The following MECOM variants were observed in gnomAD, a reference collection of about 807,000 sequenced individuals.
The protein encoded by MECOM is histone-lysine N-methyltransferase MECOM.
In MECOM, 13 loss-of-function variants were observed where a neutral mutation model predicts 116.3. The ratio of observed to expected loss-of-function variants is 0.11; its 90% CI spans 0.07 to 0.18. The LOEUF is 0.18. MECOM is among the 10% of genes least tolerant of loss of function. The pLI, the probability that MECOM is intolerant of heterozygous loss-of-function variation, is 1.00. For missense variants in MECOM, 1,299 were observed against 1,509.0 expected, an observed-to-expected ratio of 0.86 and a Z score of 2.31; for synonymous variants, 528 against 535.2, an observed-to-expected ratio of 0.99 and a Z score of 0.19.
intron 1 of MECOM, among the ~76,000 whole-genome samples, chr3:169,551,065 C>T (rs982226786): frequency 1.1e-5 from 1 of 94,840 alleles, no homozygotes; most frequent in Non-Finnish European, 2.3e-5. Flanking sequence ...CCTCGTGATC[C>T]GCCCGCCTCG....
chr3:169,461,969 A>G (rs1747525987), intron 1 of MECOM, among the ~76,000 whole-genome samples: 1 of 152,174 alleles, frequency 6.6e-6, no homozygotes, highest in Admixed American at 6.6e-5. Context: ...TTCTTTCTTC[A>G]TCTTTGTTAT....
chr3:169,351,349 T>C (rs1726292202), intron 2 of MECOM, among the ~76,000 whole-genome samples: 1 of 151,820 alleles, frequency 6.6e-6, no homozygotes, highest in Admixed American at 6.6e-5. Flanking sequence ...CATATCTATA[T>C]GATAGATATT....
chr3:169,115,459 C>A lies in MECOM; in HGVS notation c.2413G>T (p.Val805Phe). 6.2e-7 allele frequency: 1 copy of A among 1,614,110 alleles called. No homozygotes were observed. Among genetic ancestry groups the A allele is most frequent in the East Asian group, 2.2e-5 (1 of 44,888 alleles). ...CCATCTGAAGCAGGTCTTGATTCGACGTTGCTTCCTTTTTTTCCCCCAAAC... is the reference window on the plus strand; with the variant it reads ...CCATCTGAAGCAGGTCTTGATTCGAAGTTGCTTCCTTTTTTTCCCCCAAAC... ...HVFGGKKGSN[V>F]ESRPASDGSL... The change falls in exon 8 of 17, where the codon GTC becomes TTC. Residue 805 changes from valine (V) to phenylalanine (F), a missense_variant. By Grantham distance (50) the Val-to-Phe change is conservative. Coordinates refer to ENST00000651503, the MANE Select transcript of MECOM (RefSeq NM_004991.4).
chr3:169,157,237 C>T (rs1742133633), intron 2 of MECOM, among the ~76,000 whole-genome samples: 1 of 151,826 alleles, frequency 6.6e-6, no homozygotes, highest in South Asian at 2.1e-4. Flanking sequence ...AGAATAATTG[C>T]CCCACCCCAA....
intron 2 of MECOM, among the ~76,000 whole-genome samples, chr3:169,258,008 G>A (rs1470138567): frequency 1.3e-5 from 2 of 152,126 alleles, no homozygotes; most frequent in Admixed American, 6.6e-5. Flanking sequence ...ATAACTTTAG[G>A]TCAAGGGTTT....
chr3:169,600,659 T>C (rs142323325), intron 1 of MECOM, among the ~76,000 whole-genome samples: 2 of 152,120 alleles, frequency 1.3e-5, no homozygotes, highest in East Asian at 3.9e-4. Flanking sequence ...ATTTCAGGAG[T>C]TTACAAGTTG....
At chr3:169,482,805 A>T (rs1183225972) in intron 1 of MECOM, among the ~76,000 whole-genome samples, 1 of 152,206 alleles carries the variant, frequency 6.6e-6, no homozygotes, top group Non-Finnish European at 1.5e-5. Flanking sequence ...GTGATATGTT[A>T]CATGTTTTAG....
intron 2 of MECOM, among the ~76,000 whole-genome samples, chr3:169,314,065 T>G (rs1719290539): frequency 6.6e-6 from 1 of 152,222 alleles, no homozygotes; most frequent in Non-Finnish European, 1.5e-5. Context: ...TTCTGACTTC[T>G]CATACTGTAT....
At chr3:169,104,202 A>G (rs1371063564) in intron 10 of MECOM, among the ~76,000 whole-genome samples, 1 of 152,222 alleles carries the variant, frequency 6.6e-6, no homozygotes, top group Non-Finnish European at 1.5e-5. Context: ...GGGCAGAGAT[A>G]TGGAATGATG....
In MECOM at chr3:169,663,474, G is replaced by GTC. The variant is rs71166260; in HGVS notation, c.-104_-103dup. Reference sequence around the variant, plus strand: ...CTCTCGCTCCCTCCCTCTCTCTCCTGTCTCTCTCTCTCTCTCTCTCTCTCT... The same window carrying GTC: ...CTCTCGCTCCCTCCCTCTCTCTCCTGTCTCTCTCTCTCTCTCTCTCTCTCTCT... On this transcript the variant is annotated 5_prime_UTR_variant, in exon 1 of 17. Transcript: ENST00000651503. 5.8e-3 allele frequency: 3,308 copies of GTC among 567,378 alleles called. 13 individuals carry two copies. The highest frequency in any genetic ancestry group is 0.019 in the East Asian group (442 of 23,260). The allele number at this position is 567,378 out of a possible 1,614,324, so 35.1% of individuals were successfully genotyped here.
chr3:169,619,354 A>G (rs1183589272), intron 1 of MECOM, among the ~76,000 whole-genome samples: 3 of 152,120 alleles, frequency 2.0e-5, no homozygotes, highest in African/African-American at 7.2e-5. Context: ...ACATCCCACA[A>G]ATAAGGCTGG....
chr3:169,620,094 A>G (rs1770529944), intron 1 of MECOM, among the ~76,000 whole-genome samples: 2 of 152,226 alleles, frequency 1.3e-5, no homozygotes, highest in Non-Finnish European at 2.9e-5. Flanking sequence ...CCTGAAGTGC[A>G]TACTGGAAGG....
At chr3:169,277,915 T>C (rs1046607338) in intron 2 of MECOM, among the ~76,000 whole-genome samples, 2 of 152,188 alleles carry the variant, frequency 1.3e-5, no homozygotes, top group Non-Finnish European at 2.9e-5. Context: ...GCAAATCCAT[T>C]CCATTAATCA....
intron 2 of MECOM, among the ~76,000 whole-genome samples, chr3:169,157,097 T>A (rs1297729177): frequency 6.6e-6 from 1 of 152,192 alleles, no homozygotes; most frequent in South Asian, 2.1e-4. Flanking sequence ...CACACAGTCT[T>A]CTCTGCAAAG....
In MECOM at chr3:169,116,190, G is replaced by A; in HGVS notation, c.1682C>T (p.Pro561Leu). 1.9e-6 allele frequency: 3 copies of A among 1,614,116 alleles called. No homozygotes were observed. The highest frequency in any genetic ancestry group is 2.5e-6 in the Non-Finnish European group (3 of 1,180,024). ...GGGCCTCTCTTCAGAGGACCTCTCGGGCTGGAGCTCCACTGGCTTATTGTC... is the reference window on the plus strand; with the variant it reads ...GGGCCTCTCTTCAGAGGACCTCTCGAGCTGGAGCTCCACTGGCTTATTGTC... Reference protein sequence around the residue: ...VGDNKPVELQPERSSEERPFE... With the variant: ...VGDNKPVELQLERSSEERPFE... The change falls in exon 8 of 17, where the codon CCC becomes CTC. Residue 561 changes from proline to leucine, a missense_variant. This residue lies in a region of MECOM where 238 missense variants were observed against 273.1 expected (regional missense o/e 0.87). Coordinates refer to ENST00000651503, the MANE Select transcript of MECOM (RefSeq NM_004991.4).
chr3:169,480,974 A>T (rs1751196217), intron 1 of MECOM, among the ~76,000 whole-genome samples: 1 of 152,148 alleles, frequency 6.6e-6, no homozygotes, highest in South Asian at 2.1e-4. Context: ...CATGGCACAA[A>T]ATCTTAAAAC....
chr3:169,221,481 G>C (rs1261715461), intron 2 of MECOM, among the ~76,000 whole-genome samples: 5 of 151,052 alleles, frequency 3.3e-5, no homozygotes, highest in East Asian at 2.0e-4. Context: ...AGTGTGAATT[G>C]TGTGCCCAGT....
chr3:169,089,367 C>T (rs1342111421), intron 15 of MECOM, among the ~76,000 whole-genome samples, 184 bp from the exon 16 acceptor site: 1 of 151,972 alleles, frequency 6.6e-6, no homozygotes, highest in Non-Finnish European at 1.5e-5. Context: ...AAATATATTT[C>T]TGTTAAGATT....
intron 1 of MECOM, among the ~76,000 whole-genome samples, chr3:169,595,671 T>C (rs1767048897): frequency 6.6e-6 from 1 of 152,192 alleles, no homozygotes; most frequent in Non-Finnish European, 1.5e-5. Context: ...TTATTTTTGA[T>C]CAAATTCAAC....
Sources: allele counts gnomAD v4.1 joint callset (sites outside exome capture counted in the v4.1 genomes callset), GRCh38; gene constraint gnomAD v4.1.1; regional missense constraint gnomAD v4.1.1; transcripts MANE v1.5; gene names NCBI Gene and HGNC (gene_info 2026-07-23, HGNC 2026-07-21).